Variants in TNFRSF1B observed in about 807,000 individuals in gnomAD.
The protein encoded by TNFRSF1B is tumor necrosis factor receptor superfamily member 1B.
In TNFRSF1B, 19 loss-of-function variants were observed where a neutral mutation model predicts 44.6. The observed-to-expected ratio is 0.43, with a 90% CI of 0.30 to 0.62. The LOEUF is 0.62. TNFRSF1B is among the 20% of genes least tolerant of loss of function. TNFRSF1B has a pLI of 0.16. For missense variants in TNFRSF1B, 541 were observed against 619.9 expected, an observed-to-expected ratio of 0.87 and a Z score of 1.35; for synonymous variants, 252 against 261.1, an observed-to-expected ratio of 0.97 and a Z score of 0.34.
chr1:12,197,994 G>A (rs563622698), intron 8 of TNFRSF1B, among the ~76,000 whole-genome samples: 21 of 152,152 alleles, frequency 1.4e-4, no homozygotes, highest in Middle Eastern at 3.4e-3. Flanking sequence ...GCGTGGTGGC[G>A]GGCGCCCGTA....
rs1639529370 is a variant in TNFRSF1B, at chr1:12,207,349, C to A, written c.*329C>A. On this transcript the variant is annotated 3_prime_UTR_variant, in exon 10 of 10. Transcript: ENST00000376259. The stretch of plus-strand genomic sequence containing the variant: ...GCACCTGCCAGCCTGGCTTCTGGAG[C>A]CCTTGGGTTTTTTGTTTGTTTGTTT... 3.0e-6 allele frequency: 1 copy of A among 330,314 alleles called. No individual in the cohort carries two copies. Among genetic ancestry groups the A allele is most frequent in the Non-Finnish European group, 5.5e-6 (1 of 182,898 alleles). 20.5% of individuals were successfully genotyped at this position (330,314 alleles called of 1,614,324 possible).
In TNFRSF1B at chr1:12,207,269, G is replaced by A. The variant is rs1639526800; in HGVS notation, c.*249G>A. ...CTCGGAAGGCTGGCTGGGCATGGAC[G>A]TTCGGGGCATGCTGGGGCAAGTCCC... On this transcript the variant is annotated 3_prime_UTR_variant, in exon 10 of 10. Transcript: ENST00000376259. The A allele has an allele frequency of 9.6e-6, 4 of 415,834 alleles. No homozygotes were observed. The highest frequency in any genetic ancestry group is 8.6e-5 in the South Asian group (1 of 11,574). The allele number at this position is 415,834 out of a possible 1,614,324, so 25.8% of individuals were successfully genotyped here.
At chr1:12,173,742 C>T (rs17881100) in intron 1 of TNFRSF1B, among the ~76,000 whole-genome samples, 51 of 152,310 alleles carry the variant, frequency 3.3e-4, no homozygotes, top group African/African-American at 1.2e-3. Flanking sequence ...AGTCCTGCCC[C>T]CTTCCAGGCC....
chr1:12,205,507 G>A (rs1001697772), intron 9 of TNFRSF1B, among the ~76,000 whole-genome samples: 60 of 152,242 alleles, frequency 3.9e-4, no homozygotes, highest in African/African-American at 1.4e-3. Flanking sequence ...AGAGGGGTGG[G>A]GTTGAAGCCA....
At chr1:12,192,228 G>GT (rs1412727216) in intron 4 of TNFRSF1B, 2 of 710,206 alleles carry the variant, frequency 2.8e-6, no homozygotes, top group Non-Finnish European at 5.1e-6. Context: ...GCCCAATCCC[G>GT]TGCATGTGTG....
At chr1:12,167,352 T>G (rs1214992305) in intron 1 of TNFRSF1B, 183 bp downstream of exon 1, 1 of 410,032 alleles carries the variant, frequency 2.4e-6, no homozygotes, top group Admixed American at 4.6e-5. Flanking sequence ...CGCTGGGGAC[T>G]CCGGGCCCGG....
chr1:12,200,434 G>A (rs979108084), intron 8 of TNFRSF1B, among the ~76,000 whole-genome samples: 3 of 152,026 alleles, frequency 2.0e-5, no homozygotes, highest in East Asian at 1.9e-4. Flanking sequence ...TCTCTGTAAA[G>A]GGCCAGATGG....
rs528629646 is a variant in TNFRSF1B, at chr1:12,191,685, C to T, written c.308-89C>T. On this transcript the variant is annotated intron_variant, in intron 3 of 9. Coordinates refer to ENST00000376259, the MANE Select transcript of TNFRSF1B (RefSeq NM_001066.3). ...GCGGTCCGCCAGCCTCCTGGAGATC[C>T]GCTGTCTGAGAGTGCTGGGCTGTCT... The T allele has an allele frequency of 6.4e-5, 100 of 1,554,638 alleles. No homozygotes were observed. The African/African-American group carries it at 1.2e-3, about 18-fold the overall frequency.
intron 2 of TNFRSF1B, 76 bp downstream of exon 2, chr1:12,188,971 C>A: frequency 7.5e-7 from 1 of 1,339,464 alleles, no homozygotes; most frequent in Non-Finnish European, 1.0e-6. Flanking sequence ...GGCGCAAGAG[C>A]ATAGCCCTTG....
intron 3 of TNFRSF1B, 66 bp from the exon 4 acceptor site, chr1:12,191,708 T>G (rs498906): frequency 0.23 from 367,608 of 1,597,694 alleles, 43,445 homozygotes; most frequent in South Asian, 0.27. Context: ...TGCTGGGCTG[T>G]CTGGGAGGGC....
At chr1:12,194,467 G>T (rs1175453839) in intron 7 of TNFRSF1B, 117 bp from the exon 8 acceptor site, 9 of 1,030,614 alleles carry the variant, frequency 8.7e-6, no homozygotes, top group South Asian at 5.5e-5. Flanking sequence ...GTAGGCGATT[G>T]GTCCCCACAG....
At chr1:12,194,150 C>T (rs1490196034) in intron 7 of TNFRSF1B, 118 bp downstream of exon 7, 9 of 793,052 alleles carry the variant, frequency 1.1e-5, no homozygotes, top group Middle Eastern at 3.0e-4. Flanking sequence ...ATATGGGGGT[C>T]CTTGTTCTGT....
Position 12,179,307 on chromosome 1 carries a change from C to T in TNFRSF1B, c.79-9489C>T, listed in dbSNP as rs1014934917. Among the ~76,000 whole-genome samples the T allele has an allele frequency of 6.6e-5, 10 of 152,278 alleles. 1 individual carries two copies. Among genetic ancestry groups the T allele is most frequent in the African/African-American group, 1.7e-4 (7 of 41,538 alleles). ...CTCTCCGTGACGGCAGACGGGCCTC[C>T]GCTGTCACTGGCCCTGGCGTTGCTG... On this transcript the variant is annotated intron_variant, in intron 1 of 9. Coordinates refer to ENST00000376259, the MANE Select transcript of TNFRSF1B (RefSeq NM_001066.3).
At position 12,180,835 on chromosome 1, in the gene TNFRSF1B, C is replaced by T. The variant is rs778887095; in HGVS notation, c.79-7961C>T. ...TTCTTGCAGGCTCTCACAGCCGCAT[C>T]GTCCTCTGGCTGGGCTGCTCACAGA... On this transcript the variant is annotated intron_variant, in intron 1 of 9. Transcript: ENST00000376259. This position sits in a 1 kb window ranked among gnomAD's most constrained non-coding sequence, Gnocchi z 4.3. Among the ~76,000 whole-genome samples, 6 of 152,184 alleles carry T rather than the reference C, an allele frequency of 3.9e-5. No homozygotes were observed. Among genetic ancestry groups the T allele is most frequent in the East Asian group, 1.9e-4 (1 of 5,188 alleles).
Position 12,174,152 on chromosome 1 carries a change from CTT to C in TNFRSF1B, c.78+6984_78+6985del, listed in dbSNP as rs1491259517. On this transcript the variant is annotated intron_variant, in intron 1 of 9. Coordinates refer to ENST00000376259, the MANE Select transcript of TNFRSF1B (RefSeq NM_001066.3). ...TCTTCTTCTTCTTCTTCTTCTTCTT[CTT>C]CTTCTTCTTCTCCTTCTCCTTCTCC... Among the ~76,000 whole-genome samples the C allele has an allele frequency of 2.4e-3, 235 of 98,168 alleles. 2 individuals carry two copies. The highest frequency in any genetic ancestry group is 5.3e-3 in the Middle Eastern group (1 of 188). 64.4% of individuals were successfully genotyped at this position (98,168 alleles called of 152,430 possible). A position where few individuals can be genotyped will look rare whatever the true frequency, so the allele number is the denominator to read the frequency against.
intron 9 of TNFRSF1B, among the ~76,000 whole-genome samples, chr1:12,206,438 C>G (rs1371853356): frequency 6.6e-6 from 1 of 151,818 alleles, no homozygotes; most frequent in Admixed American, 6.6e-5. Flanking sequence ...TGGGCTCAAG[C>G]GATCCTACAA....
Position 12,202,369 on chromosome 1 carries a change from CT to C in TNFRSF1B, c.1105+200del, listed in dbSNP as rs1639414081. ...TGGGCCTATCACCTCAAAATCCTCC[CT>C]TCTGTGGGACAACCCCAGCTTGTCC... On this transcript the variant is annotated intron_variant, in intron 9 of 9. Transcript: ENST00000376259. 4.6e-5 allele frequency among the ~76,000 whole-genome samples: 7 copies of C among 152,276 alleles called. No individual in the cohort carries two copies. The South Asian group carries it at 1.5e-3, about 32-fold the overall frequency.
At chr1:12,200,410 A>T (rs1269213369) in intron 8 of TNFRSF1B, among the ~76,000 whole-genome samples, 1 of 151,954 alleles carries the variant, frequency 6.6e-6, no homozygotes, top group Admixed American at 6.6e-5. Context: ...CTGAGCGCAA[A>T]GGTCTGCACG....
rs1639404646 is a variant in TNFRSF1B at position 12,202,063 on chromosome 1, A to G, written c.997A>G (p.Ser333Gly). The change falls in exon 9 of 10, where the codon AGC (serine) becomes GGC (glycine). Residue 333 changes from serine to glycine, a missense_variant. Coordinates refer to ENST00000376259, the MANE Select transcript of TNFRSF1B (RefSeq NM_001066.3). ...APSSSSSSLE[S>G]SASALDRRAP... ...GAGCTCCAGCAGCAGCTCCCTGGAG[A>G]GCTCGGCCAGTGCGTTGGACAGAAG... 1 of 1,604,380 alleles carries G rather than the reference A, an allele frequency of 6.2e-7. No individual in the cohort carries two copies. Among genetic ancestry groups the G allele is most frequent in the Middle Eastern group, 1.7e-4 (1 of 6,040 alleles).
Sources: allele counts gnomAD v4.1 joint callset (sites outside exome capture counted in the v4.1 genomes callset), GRCh38; gene constraint gnomAD v4.1.1; non-coding constraint Gnocchi (gnomAD v3.1); transcripts MANE v1.5; gene names NCBI Gene and HGNC (gene_info 2026-07-23, HGNC 2026-07-21).